The following SNX29 variants were observed in gnomAD, a reference collection of about 807,000 sequenced individuals.
SNX29 encodes the protein sorting nexin 29.
A neutral mutation model predicts 102.1 loss-of-function variants in SNX29; 78 were observed. That is an observed-to-expected ratio of 0.76 (90% CI 0.64 to 0.92). The LOEUF (loss-of-function observed/expected upper bound fraction) is 0.92. Ranked by LOEUF, SNX29 falls within the 40% of genes least tolerant of loss-of-function variation. The pLI is 0.00. For synonymous variants in SNX29, 580 were observed against 414.5 expected, an observed-to-expected ratio of 1.40 and a Z score of -4.85; for missense variants, 1,280 against 1,061.7, an observed-to-expected ratio of 1.21 and a Z score of -2.86.
intron 20 of SNX29, among the ~76,000 whole-genome samples, chr16:12,568,114 G>A (rs139916275): frequency 2.4e-3 from 360 of 152,236 alleles, no homozygotes; most frequent in African/African-American, 8.3e-3. Context: ...ATCTTGTGTG[G>A]CTTTATGTAG....
At chr16:12,352,664 A>C (rs993824029) in intron 15 of SNX29, among the ~76,000 whole-genome samples, 1 of 152,200 alleles carries the variant, frequency 6.6e-6, no homozygotes, top group Non-Finnish European at 1.5e-5. Flanking sequence ...CCTTGCAAGC[A>C]CAAGTTCAGA....
intron 8 of SNX29, among the ~76,000 whole-genome samples, chr16:12,054,266 A>G (rs994584435): frequency 3.9e-5 from 6 of 152,214 alleles, no homozygotes; most frequent in Non-Finnish European, 5.9e-5. Context: ...GTGCCCAGCT[A>G]TTCTGTCAAA....
At chr16:12,023,083 G>A (rs1160832794) in intron 3 of SNX29, among the ~76,000 whole-genome samples, 1 of 151,728 alleles carries the variant, frequency 6.6e-6, no homozygotes, top group Non-Finnish European at 1.5e-5. Flanking sequence ...TTTTAGTAGA[G>A]TTGAGATTTC....
intron 14 of SNX29, among the ~76,000 whole-genome samples, chr16:12,216,076 GT>G (rs971695677): frequency 4.6e-5 from 7 of 152,194 alleles, no homozygotes; most frequent in African/African-American, 1.4e-4. Flanking sequence ...GCCTTAAATT[GT>G]TTCTCAACAA....
rs538586023 is a variant in SNX29, at chr16:12,535,109, A to G, written c.2318+10268A>G. ...AGGGAGGAGAAACCAACATGTATTT[A>G]GCACCCGCCAGGGTCCAGGTATTAG... On this transcript the variant is annotated intron_variant, in intron 20 of 20. Coordinates refer to ENST00000566228, the MANE Select transcript of SNX29 (RefSeq NM_032167.5). 3.3e-5 allele frequency among the ~76,000 whole-genome samples: 5 copies of G among 152,314 alleles called. No individual in the cohort carries two copies. In the East Asian group the frequency reaches 9.7e-4, roughly 29 times the overall value.
At chr16:12,187,640 C>T (rs895976405) in intron 13 of SNX29, among the ~76,000 whole-genome samples, 19 of 151,982 alleles carry the variant, frequency 1.3e-4, no homozygotes, top group Non-Finnish European at 1.8e-4. Flanking sequence ...AAACAATTTT[C>T]TATTTCATAG....
chr16:12,061,612 C>G lies in SNX29; in HGVS notation c.1209C>G (p.Phe403Leu), dbSNP rs768010707. 12 of 1,612,030 alleles carry G rather than the reference C, an allele frequency of 7.4e-6. No individual in the cohort carries two copies. Among genetic ancestry groups the G allele is most frequent in the Non-Finnish European group, 9.3e-6 (11 of 1,179,368 alleles). Residue 403 changes from phenylalanine (F) to leucine (L), a missense_variant, in exon 9 of 21, where the codon TTC (phenylalanine) becomes TTG (leucine). Transcript: ENST00000566228. Reference protein sequence around the residue: ...KVLHNDSDILFPVSGVGSYSP... With the variant: ...KVLHNDSDILLPVSGVGSYSP... ...TGCACAATGACTCCGACATCCTCTT[C>G]CCTGTCAGTGGCGTGGGCTCCTACA...
intron 14 of SNX29, among the ~76,000 whole-genome samples, chr16:12,251,844 C>A (rs1231663535): frequency 6.6e-6 from 1 of 152,092 alleles, no homozygotes; most frequent in African/African-American, 2.4e-5. Context: ...ACTGCAGCCT[C>A]GAGCTTCTGG....
intron 16 of SNX29, 121 bp from the exon 17 acceptor site, chr16:12,398,325 C>T: frequency 4.6e-6 from 5 of 1,093,962 alleles, no homozygotes; most frequent in African/African-American, 3.1e-5. Context: ...ACTGCTTTTT[C>T]ACTTCATTCT....
intron 3 of SNX29, among the ~76,000 whole-genome samples, chr16:12,013,500 A>AAAAAAATAT: frequency 3.2e-4 from 10 of 31,628 alleles, no homozygotes; most frequent in Middle Eastern, 0.019. Context: ...AAAAAAAAAA[A>AAAAAAATAT]ATATATATAT....
At chr16:12,564,230 G>C (rs969055845) in intron 20 of SNX29, among the ~76,000 whole-genome samples, 1 of 152,036 alleles carries the variant, frequency 6.6e-6, no homozygotes, top group South Asian at 2.1e-4. Flanking sequence ...ATCTCTAAGA[G>C]AAAAAAATCT....
intron 3 of SNX29, among the ~76,000 whole-genome samples, chr16:12,024,068 A>T (rs2057115765): frequency 6.6e-6 from 1 of 152,174 alleles, no homozygotes. Flanking sequence ...GCGCTGCAGT[A>T]CAAAGAAGCT....
chr16:11,999,460 T>G, intron 2 of SNX29, 102 bp downstream of exon 2: 3 of 1,125,002 alleles, frequency 2.7e-6, no homozygotes, highest in African/African-American at 3.1e-5. Context: ...AACTCCCACT[T>G]TATACCTGGG....
At chr16:12,092,285 AGAAG>A (rs35344440) in intron 11 of SNX29, among the ~76,000 whole-genome samples, 28 of 151,574 alleles carry the variant, frequency 1.8e-4, no homozygotes, top group South Asian at 1.0e-3. Flanking sequence ...AGACATTTAA[AGAAG>A]GAAGGAAGGA....
At chr16:12,250,392 G>T (rs1264668270) in intron 14 of SNX29, among the ~76,000 whole-genome samples, 1 of 152,180 alleles carries the variant, frequency 6.6e-6, no homozygotes, top group African/African-American at 2.4e-5. Flanking sequence ...GTGGGAGCCG[G>T]GCAGAGGGCC....
chr16:12,447,973 A>G (rs2086138789), intron 18 of SNX29, among the ~76,000 whole-genome samples: 1 of 152,174 alleles, frequency 6.6e-6, no homozygotes, highest in Non-Finnish European at 1.5e-5. Context: ...GATCATTCAC[A>G]TCTAGCACCG....
chr16:12,331,378 T>A (rs2081287646), intron 15 of SNX29, among the ~76,000 whole-genome samples: 1 of 152,208 alleles, frequency 6.6e-6, no homozygotes, highest in Non-Finnish European at 1.5e-5. Context: ...TTAATTTTTA[T>A]TCATTTTTAC....
intron 16 of SNX29, among the ~76,000 whole-genome samples, chr16:12,368,967 A>G (rs980041377): frequency 3.9e-5 from 6 of 152,104 alleles, no homozygotes; most frequent in Non-Finnish European, 5.9e-5. Context: ...ACCCACATTC[A>G]TTATTGGTGC....
intron 15 of SNX29, among the ~76,000 whole-genome samples, chr16:12,347,727 G>A (rs1324074864): frequency 6.6e-6 from 1 of 151,948 alleles, no homozygotes; most frequent in Admixed American, 6.5e-5. Flanking sequence ...TCATCCCTTT[G>A]TACCTCGTGA....
Sources: gnomAD v4.1 joint callset for allele counts (sites outside exome capture counted in the v4.1 genomes callset) on GRCh38, gnomAD v4.1.1 for gene constraint, MANE v1.5 for transcripts, NCBI Gene and HGNC (gene_info 2026-07-23, HGNC 2026-07-21) for gene names.